FBXL7: variants seen among roughly 807,000 people sequenced by gnomAD.
FBXL7 encodes the protein F-box and leucine rich repeat protein 7.
A neutral mutation model predicts 38.3 loss-of-function variants in FBXL7; 12 were observed. The ratio of observed to expected loss-of-function variants is 0.31; its 90% CI spans 0.20 to 0.51. The LOEUF is 0.51. Ranked by LOEUF, FBXL7 falls within the 20% of genes least tolerant of loss-of-function variation. The pLI, the probability that FBXL7 is intolerant of heterozygous loss-of-function variation, is 0.98. For synonymous variants in FBXL7, 297 were observed against 300.9 expected (o/e 0.99, Z 0.13); for missense variants, 567 against 676.4 (o/e 0.84, Z 1.79).
intron 1 of FBXL7, among the ~76,000 whole-genome samples, chr5:15,598,087 A>T (rs1307987728): frequency 1.3e-5 from 2 of 152,118 alleles, no homozygotes; most frequent in Non-Finnish European, 2.9e-5. Context: ...AGGGGGAGTG[A>T]TTTTTTAAAA....
At position 15,767,755 on chromosome 5, in the gene FBXL7, A is replaced by G. The variant is rs767865967; in HGVS notation, c.127+151683A>G. The stretch of plus-strand genomic sequence containing the variant: ...TTTATAATAATTAGACTCCAATATC[A>G]TGAAGCTGGGAAGATAAATATTTGA... On this transcript the variant is annotated intron_variant, in intron 2 of 3. Coordinates refer to ENST00000504595, the MANE Select transcript of FBXL7 (RefSeq NM_012304.5). Among the ~76,000 whole-genome samples the G allele has an allele frequency of 5.3e-4, 81 of 152,222 alleles. 1 individual carries two copies. The highest frequency in any genetic ancestry group is 6.0e-4 in the Non-Finnish European group (41 of 68,052).
intron 2 of FBXL7, among the ~76,000 whole-genome samples, chr5:15,861,752 T>A (rs376043455): frequency 6.6e-6 from 1 of 152,180 alleles, no homozygotes; most frequent in African/African-American, 2.4e-5. Context: ...CCACAGAAAA[T>A]CAGCAGCCCT....
At chr5:15,854,579 A>C (rs538664074) in intron 2 of FBXL7, among the ~76,000 whole-genome samples, 1 of 152,224 alleles carries the variant, frequency 6.6e-6, no homozygotes, top group Non-Finnish European at 1.5e-5. Flanking sequence ...AGGAGAAATT[A>C]AACTGTATGA....
intron 2 of FBXL7, among the ~76,000 whole-genome samples, chr5:15,905,436 G>C (rs1741332381): frequency 6.6e-6 from 1 of 152,004 alleles, no homozygotes; most frequent in South Asian, 2.1e-4. Context: ...AGTTTGTATT[G>C]AATGAACCAA....
chr5:15,625,692 C>T, intron 2 of FBXL7, among the ~76,000 whole-genome samples: 1 of 151,934 alleles, frequency 6.6e-6, no homozygotes, highest in Non-Finnish European at 1.5e-5. Flanking sequence ...CAAACAAAAG[C>T]CAAATCAAAA....
At chr5:15,933,376 A>C (rs554118767) in intron 3 of FBXL7, among the ~76,000 whole-genome samples, 1 of 152,314 alleles carries the variant, frequency 6.6e-6, no homozygotes, top group South Asian at 2.1e-4. Context: ...TTTGTTTCTA[A>C]AGAAAGGAAA....
chr5:15,831,944 G>C (rs924502754), intron 2 of FBXL7, among the ~76,000 whole-genome samples: 2 of 151,976 alleles, frequency 1.3e-5, no homozygotes, highest in African/African-American at 4.8e-5. Flanking sequence ...CCTCTTCCAA[G>C]GATGGGAAGT....
intron 2 of FBXL7, among the ~76,000 whole-genome samples, chr5:15,731,816 T>C (rs546461099): frequency 2.1e-4 from 32 of 152,256 alleles, no homozygotes; most frequent in Admixed American, 1.4e-3. Flanking sequence ...TAGAGGAGGC[T>C]GTGTTCGGGG....
intron 1 of FBXL7, among the ~76,000 whole-genome samples, chr5:15,531,933 G>A (rs1324655642): frequency 1.3e-5 from 2 of 152,208 alleles, no homozygotes; most frequent in African/African-American, 2.4e-5. Context: ...AGGATTAAGA[G>A]TGTGTGATCA....
At chr5:15,633,745 T>C (rs1741074682) in intron 2 of FBXL7, among the ~76,000 whole-genome samples, 1 of 91,430 alleles carries the variant, frequency 1.1e-5, no homozygotes, top group African/African-American at 4.4e-5. Flanking sequence ...ACAGATATTA[T>C]TATTATTATT....
chr5:15,602,624 G>A (rs1449369915), intron 1 of FBXL7, among the ~76,000 whole-genome samples: 1 of 152,024 alleles, frequency 6.6e-6, no homozygotes, highest in Non-Finnish European at 1.5e-5. Flanking sequence ...TAAAAAAGCA[G>A]TCGTACTAAA....
chr5:15,920,609 C>T (rs558442746), intron 2 of FBXL7, among the ~76,000 whole-genome samples: 2 of 152,200 alleles, frequency 1.3e-5, no homozygotes, highest in African/African-American at 4.8e-5. Context: ...CAACCTCCAC[C>T]TCCTGGGTTC....
intron 1 of FBXL7, among the ~76,000 whole-genome samples, chr5:15,502,588 A>G (rs1215879138): frequency 6.6e-6 from 1 of 152,216 alleles, no homozygotes; most frequent in Admixed American, 6.5e-5. Context: ...AGTTTTGGCT[A>G]GAGGTACACA....
chr5:15,682,183 C>G (rs961924235), intron 2 of FBXL7, among the ~76,000 whole-genome samples: 1 of 152,192 alleles, frequency 6.6e-6, no homozygotes, highest in Non-Finnish European at 1.5e-5. Context: ...AGGCTTTATC[C>G]ATCATAGGTG....
chr5:15,686,090 T>C (rs1025019041), intron 2 of FBXL7, among the ~76,000 whole-genome samples: 1 of 152,146 alleles, frequency 6.6e-6, no homozygotes, highest in African/African-American at 2.4e-5. Context: ...TCAGGGTCTA[T>C]GCACTTGATG....
chr5:15,793,323 A>G (rs1168811653), intron 2 of FBXL7, among the ~76,000 whole-genome samples: 1 of 152,178 alleles, frequency 6.6e-6, no homozygotes, highest in Non-Finnish European at 1.5e-5. Context: ...GGGTCTGGGG[A>G]GACTCCCTCG....
chr5:15,617,368 T>G (rs1383325673), intron 2 of FBXL7, among the ~76,000 whole-genome samples: 1 of 152,206 alleles, frequency 6.6e-6, no homozygotes, highest in Non-Finnish European at 1.5e-5. Flanking sequence ...GGGCATTAGA[T>G]CATTAATGAA....
chr5:15,552,853 G>A (rs1478217774), intron 1 of FBXL7, among the ~76,000 whole-genome samples: 1 of 152,192 alleles, frequency 6.6e-6, no homozygotes. Context: ...GGAGGCTGAG[G>A]TGGGAAGATC....
chr5:15,764,570 C>T (rs908726756), intron 2 of FBXL7, among the ~76,000 whole-genome samples: 3 of 152,142 alleles, frequency 2.0e-5, no homozygotes, highest in African/African-American at 7.2e-5. Context: ...TCAGAAACTC[C>T]GAGGGGGGCT....
Sources: allele counts gnomAD v4.1 joint callset (sites outside exome capture counted in the v4.1 genomes callset), GRCh38; gene constraint gnomAD v4.1.1; transcripts MANE v1.5; gene names NCBI Gene and HGNC (gene_info 2026-07-23, HGNC 2026-07-21).